PLCH1: variants seen among roughly 807,000 people sequenced by gnomAD.
PLCH1 encodes 1-phosphatidylinositol 4,5-bisphosphate phosphodiesterase eta-1.
Under a neutral mutation model 126.7 loss-of-function variants are expected in PLCH1, and 60 were observed. The observed-to-expected ratio is 0.47, with a 90% CI of 0.38 to 0.59. The LOEUF is 0.59. Ranked by LOEUF, PLCH1 falls within the 20% of genes least tolerant of loss-of-function variation. The pLI is 0.00. For synonymous variants in PLCH1, 719 were observed against 734.9 expected (o/e 0.98, Z 0.35); for missense variants, 1,723 against 2,040.0 (o/e 0.84, Z 2.99).
chr3:155,454,969 C>G (rs981031636), intron 21 of PLCH1, among the ~76,000 whole-genome samples: 1 of 152,202 alleles, frequency 6.6e-6, no homozygotes, highest in Non-Finnish European at 1.5e-5. Flanking sequence ...AATGCAAGCA[C>G]TTTGGCAAAG....
intron 2 of PLCH1, among the ~76,000 whole-genome samples, chr3:155,681,290 AC>A (rs1241869001): frequency 1.3e-5 from 2 of 152,234 alleles, no homozygotes; most frequent in Non-Finnish European, 2.9e-5. Flanking sequence ...TTTGAGGCTT[AC>A]TAACATTTAT....
At chr3:155,477,588 T>A (rs1200977820), downstream of PLCH1, among the ~76,000 whole-genome samples, 1 of 152,016 alleles carries the variant, frequency 6.6e-6, no homozygotes, top group Non-Finnish European at 1.5e-5. Flanking sequence ...GGGCAACAGA[T>A]TTTAATAGAC....
intron 17 of PLCH1, among the ~76,000 whole-genome samples, 170 bp from the exon 18 acceptor site, chr3:155,493,023 G>C (rs1335710809): frequency 6.6e-6 from 1 of 152,226 alleles, no homozygotes; most frequent in Non-Finnish European, 1.5e-5. Flanking sequence ...TGTTGCCAAA[G>C]GCCAGTGGAG....
intron 10 of PLCH1, among the ~76,000 whole-genome samples, chr3:155,527,046 T>C (rs6770715): frequency 0.33 from 49,551 of 151,956 alleles, 10,123 homozygotes; most frequent in African/African-American, 0.58. Flanking sequence ...CCCACCAGGA[T>C]GGGTTCAACT....
At chr3:155,665,611 C>T (rs371447051) in intron 2 of PLCH1, among the ~76,000 whole-genome samples, 1 of 152,192 alleles carries the variant, frequency 6.6e-6, no homozygotes, top group African/African-American at 2.4e-5. Context: ...CTCTAGCACA[C>T]TCAATCTAAG....
intron 10 of PLCH1, among the ~76,000 whole-genome samples, chr3:155,528,300 G>A (rs79702911): frequency 0.019 from 2,843 of 150,686 alleles, 92 homozygotes; most frequent in African/African-American, 0.065. Flanking sequence ...CAGAATCAAA[G>A]CATTTATTTC....
chr3:155,626,621 T>A (rs976676290), intron 2 of PLCH1, among the ~76,000 whole-genome samples: 55 of 151,312 alleles, frequency 3.6e-4, no homozygotes, highest in Non-Finnish European at 3.0e-4. Flanking sequence ...TACAAAAAAT[T>A]AGCCGGGCGT....
intron 6 of PLCH1, among the ~76,000 whole-genome samples, chr3:155,568,754 C>CTG (rs3068946): frequency 0.021 from 3,086 of 147,248 alleles, 60 homozygotes; most frequent in African/African-American, 0.05. Context: ...AAATGTACCT[C>CTG]TGTGTGTGTG....
chr3:155,605,217 C>T (rs1293670187), intron 2 of PLCH1, among the ~76,000 whole-genome samples: 1 of 152,136 alleles, frequency 6.6e-6, no homozygotes, highest in Non-Finnish European at 1.5e-5. Context: ...GGTGACTAGT[C>T]TGAAAGGAGT....
At chr3:155,556,048 C>T (rs1385223498) in intron 8 of PLCH1, among the ~76,000 whole-genome samples, 1 of 152,148 alleles carries the variant, frequency 6.6e-6, no homozygotes, top group Non-Finnish European at 1.5e-5. Context: ...TAAATACTGG[C>T]AATTAATCCA....
intron 10 of PLCH1, among the ~76,000 whole-genome samples, chr3:155,542,514 G>T (rs944592918): frequency 1.3e-5 from 2 of 152,132 alleles, no homozygotes; most frequent in Admixed American, 1.3e-4. Flanking sequence ...GTCCCCGTCT[G>T]ACAGCTTTGA....
chr3:155,473,993 T>G (rs571571976), intron 21 of PLCH1, among the ~76,000 whole-genome samples: 8,361 of 151,344 alleles, frequency 0.055, 376 homozygotes, highest in African/African-American at 0.13. Flanking sequence ...ACCTAGGCAT[T>G]ACCATTCAGG....
At chr3:155,452,509 T>C (rs997543643) in intron 21 of PLCH1, among the ~76,000 whole-genome samples, 4 of 152,114 alleles carry the variant, frequency 2.6e-5, no homozygotes, top group African/African-American at 9.7e-5. Flanking sequence ...CTAATCTGAT[T>C]GGATTTAAAG....
Position 155,534,106 on chromosome 3 carries a change from G to A in PLCH1, c.1363-10102C>T, listed in dbSNP as rs151115612. ...GTAAAGCTGTGAAAAGAGGGCCACC[G>A]TCCTCCAGACCCCAGAATGATAGAT... On this transcript the variant is annotated intron_variant, in intron 10 of 22. Coordinates refer to ENST00000460012, the MANE Select transcript of PLCH1 (RefSeq NM_014996.4). Among the ~76,000 whole-genome samples, 54 of 152,274 alleles carry A rather than the reference G, an allele frequency of 3.5e-4. No individual in the cohort carries two copies. The South Asian group carries it at 5.6e-3, about 16-fold the overall frequency.
At chr3:155,506,399 T>G (rs1249347450) in intron 12 of PLCH1, among the ~76,000 whole-genome samples, 9 of 151,108 alleles carry the variant, frequency 6.0e-5, no homozygotes, top group Admixed American at 5.3e-4. Flanking sequence ...ATGTGCACAT[T>G]GTGCAGGTTA....
chr3:155,628,998 T>G lies in PLCH1; in HGVS notation c.80-32620A>C, dbSNP rs1423329314. Among the ~76,000 whole-genome samples the G allele has an allele frequency of 1.3e-5, 2 of 152,214 alleles. 1 individual carries two copies. Among genetic ancestry groups the G allele is most frequent in the Admixed American group, 1.3e-4 (2 of 15,280 alleles). Reference sequence around the variant, plus strand: ...TAAAGCAAAAGAACACTGAACAACCTGGATTTAAATCCTGGAGTCACTTCT... The same window carrying G: ...TAAAGCAAAAGAACACTGAACAACCGGGATTTAAATCCTGGAGTCACTTCT... On this transcript the variant is annotated intron_variant, in intron 2 of 22. Coordinates refer to ENST00000460012, the MANE Select transcript of PLCH1 (RefSeq NM_014996.4).
At chr3:155,486,220 A>AAACAAAACAC (rs1204116560) in intron 21 of PLCH1, 2 of 1,525,438 alleles carry the variant, frequency 1.3e-6, no homozygotes, top group Non-Finnish European at 1.8e-6. Flanking sequence ...TAAAGGAAAA[A>AAACAAAACAC]AACAAAACAC....
chr3:155,456,748 A>G (rs987744711), intron 21 of PLCH1: 2 of 152,488 alleles, frequency 1.3e-5, no homozygotes, highest in African/African-American at 4.8e-5. Flanking sequence ...TTCTGCATAA[A>G]TGGTGAAATC....
chr3:155,583,161 T>C (rs932329124), intron 6 of PLCH1, among the ~76,000 whole-genome samples: 1 of 150,650 alleles, frequency 6.6e-6, no homozygotes, highest in South Asian at 2.1e-4. Flanking sequence ...TAATACATCA[T>C]AGTATTAGTA....
Sources: gnomAD v4.1 joint callset for allele counts (sites outside exome capture counted in the v4.1 genomes callset) on GRCh38, gnomAD v4.1.1 for gene constraint, MANE v1.5 for transcripts, NCBI Gene and HGNC (gene_info 2026-07-23, HGNC 2026-07-21) for gene names.